CPNE4: variants seen among roughly 807,000 people sequenced by gnomAD.
CPNE4 encodes the protein copine 4.
A neutral mutation model predicts 67.9 loss-of-function variants in CPNE4; 25 were observed. The observed-to-expected ratio is 0.37, with a 90% CI of 0.27 to 0.51. The LOEUF (loss-of-function observed/expected upper bound fraction) is 0.51, where lower values mean the gene tolerates loss of function less well. CPNE4 is among the 20% of genes least tolerant of loss of function. The probability of loss-of-function intolerance (pLI) is 0.93; values close to 1 mark genes in which losing one functional copy is unlikely to be tolerated. For synonymous variants in CPNE4, 242 were observed against 244.9 expected (o/e 0.99, Z 0.11); for missense variants, 464 against 690.8 (o/e 0.67, Z 3.68).
chr3:131,980,905 C>T (rs1330302227), intron 1 of CPNE4, among the ~76,000 whole-genome samples: 2 of 152,106 alleles, frequency 1.3e-5, no homozygotes, highest in South Asian at 2.1e-4. Context: ...TAGTACTCTC[C>T]CCCTTTTCCT....
intron 2 of CPNE4, among the ~76,000 whole-genome samples, chr3:131,899,050 G>C (rs1043635903): frequency 2.0e-5 from 3 of 151,934 alleles, no homozygotes; most frequent in Admixed American, 2.0e-4. Context: ...AAAATCTTTT[G>C]AGAAAGAAGC....
At chr3:131,573,308 G>T (rs897720761) in intron 10 of CPNE4, among the ~76,000 whole-genome samples, 2 of 152,006 alleles carry the variant, frequency 1.3e-5, no homozygotes, top group African/African-American at 4.8e-5. Context: ...GACACTGGAG[G>T]GCATGGGGAG....
intron 2 of CPNE4, among the ~76,000 whole-genome samples, chr3:131,792,655 ACACACG>A (rs1276507366): frequency 6.0e-5 from 4 of 66,510 alleles, no homozygotes; most frequent in Non-Finnish European, 8.9e-5. Flanking sequence ...ATGTATATAT[ACACACG>A]TGTATATATA....
chr3:131,702,957 C>T (rs1445010742), intron 3 of CPNE4, among the ~76,000 whole-genome samples: 1 of 152,176 alleles, frequency 6.6e-6, no homozygotes, highest in Non-Finnish European at 1.5e-5. Context: ...TCCATCTCAG[C>T]TCCAAGGAAT....
intron 6 of CPNE4, among the ~76,000 whole-genome samples, chr3:131,679,698 T>C (rs896727433): frequency 6.6e-6 from 1 of 152,196 alleles, no homozygotes; most frequent in Non-Finnish European, 1.5e-5. Flanking sequence ...CCAAAATCAT[T>C]CAGGAACAGG....
chr3:131,736,067 G>A (rs2082226575), intron 2 of CPNE4, among the ~76,000 whole-genome samples: 1 of 152,144 alleles, frequency 6.6e-6, no homozygotes, highest in Non-Finnish European at 1.5e-5. Context: ...AGGTCCCCCT[G>A]CCTTCTCTCC....
At chr3:131,907,181 G>T (rs1462844098) in intron 1 of CPNE4, among the ~76,000 whole-genome samples, 1 of 152,068 alleles carries the variant, frequency 6.6e-6, no homozygotes, top group African/African-American at 2.4e-5. Flanking sequence ...GGCCATCAGT[G>T]CTCTCCTTCT....
chr3:131,691,291 A>T (rs1032378203), intron 5 of CPNE4, among the ~76,000 whole-genome samples: 4 of 152,216 alleles, frequency 2.6e-5, no homozygotes, highest in African/African-American at 9.6e-5. Flanking sequence ...TAGCAAGGGC[A>T]TATAATCAGT....
At chr3:131,876,368 C>A (rs193293274) in intron 2 of CPNE4, among the ~76,000 whole-genome samples, 73 of 151,650 alleles carry the variant, frequency 4.8e-4, no homozygotes, top group African/African-American at 1.7e-3. Context: ...CTCGGCCGGG[C>A]GTGGTGGCTC....
At chr3:131,994,461 C>T (rs1275180341) in intron 1 of CPNE4, among the ~76,000 whole-genome samples, 1 of 87,348 alleles carries the variant, frequency 1.1e-5, no homozygotes, top group African/African-American at 2.8e-5. Context: ...CTGCTCAAGA[C>T]CTGCTGAAGG....
chr3:131,652,519 C>T (rs2079839397), intron 7 of CPNE4, among the ~76,000 whole-genome samples: 1 of 152,066 alleles, frequency 6.6e-6, no homozygotes, highest in Non-Finnish European at 1.5e-5. Context: ...GCAAATATAA[C>T]AAATTGGCAT....
At chr3:131,857,235 C>A (rs779298804) in intron 2 of CPNE4, among the ~76,000 whole-genome samples, 1 of 152,012 alleles carries the variant, frequency 6.6e-6, no homozygotes, top group Non-Finnish European at 1.5e-5. Flanking sequence ...GGAAATTACC[C>A]TTTAGGCCAA....
At chr3:131,572,202 G>T (rs992908377) in intron 10 of CPNE4, among the ~76,000 whole-genome samples, 1 of 151,968 alleles carries the variant, frequency 6.6e-6, no homozygotes, top group East Asian at 1.9e-4. Context: ...CTTATATTTT[G>T]TATTGGTCAG....
chr3:131,644,971 C>G (rs2079628369), intron 7 of CPNE4, among the ~76,000 whole-genome samples: 1 of 152,136 alleles, frequency 6.6e-6, no homozygotes, highest in African/African-American at 2.4e-5. Context: ...TAATGTCACA[C>G]AAGCAAAAAG....
chr3:131,809,290 C>G (rs2084437350), intron 2 of CPNE4, among the ~76,000 whole-genome samples: 1 of 152,006 alleles, frequency 6.6e-6, no homozygotes, highest in Admixed American at 6.6e-5. Context: ...GAGTTATAAA[C>G]CAAGACATGC....
At chr3:131,811,677 C>T (rs375682050) in intron 2 of CPNE4, among the ~76,000 whole-genome samples, 11 of 152,118 alleles carry the variant, frequency 7.2e-5, no homozygotes, top group East Asian at 5.8e-4. Context: ...AGTGTCCCAG[C>T]GGGAGGGCAT....
chr3:131,553,726 A>G (rs1341499283), intron 12 of CPNE4, among the ~76,000 whole-genome samples: 1 of 152,088 alleles, frequency 6.6e-6, no homozygotes, highest in African/African-American at 2.4e-5. Context: ...TTTCTGAGAA[A>G]GTGCTAACTA....
chr3:131,584,653 A>G (rs1190354624), intron 8 of CPNE4, among the ~76,000 whole-genome samples: 1 of 152,130 alleles, frequency 6.6e-6, no homozygotes. Flanking sequence ...AAAACCAATC[A>G]TGTCATTCTC....
chr3:132,030,872 A>G (rs2074221762), intron 1 of CPNE4, among the ~76,000 whole-genome samples: 1 of 152,236 alleles, frequency 6.6e-6, no homozygotes, highest in Non-Finnish European at 1.5e-5. Flanking sequence ...CACTGAGTTT[A>G]ACACTAATTG....
Sources: allele counts gnomAD v4.1 joint callset (sites outside exome capture counted in the v4.1 genomes callset), GRCh38; gene constraint gnomAD v4.1.1; transcripts MANE v1.5; gene names NCBI Gene and HGNC (gene_info 2026-07-23, HGNC 2026-07-21).